The following FBXW7 variants were observed in gnomAD, a reference collection of about 807,000 sequenced individuals.
FBXW7 encodes the protein F-box/WD repeat-containing protein 7.
In FBXW7, 11 loss-of-function variants were observed where a neutral mutation model predicts 86.3. The observed-to-expected ratio is 0.13, with a 90% CI of 0.08 to 0.21. The LOEUF (loss-of-function observed/expected upper bound fraction) is 0.21. Ranked by LOEUF, FBXW7 falls within the 10% of genes least tolerant of loss-of-function variation. The pLI, the probability that FBXW7 is intolerant of heterozygous loss-of-function variation, is 1.00. For missense variants in FBXW7, 488 were observed against 847.4 expected, an observed-to-expected ratio of 0.58 and a Z score of 5.27; for synonymous variants, 313 against 297.9, an observed-to-expected ratio of 1.05 and a Z score of -0.52.
In FBXW7 at chr4:152,337,785, T is replaced by C. The variant is rs1272415371; in HGVS notation, c.861+17A>G. ...TTCAAATAACACCCAATGAAGAATG[T>C]AATTGATAATCTTTACCTCTTTAGG... On this transcript the variant is annotated intron_variant, in intron 7 of 13. Coordinates refer to ENST00000281708, the MANE Select transcript of FBXW7 (RefSeq NM_001349798.2). The C allele has an allele frequency of 6.3e-7, 1 of 1,597,962 alleles. No homozygotes were observed. Among genetic ancestry groups the C allele is most frequent in the South Asian group, 1.1e-5 (1 of 87,736 alleles).
At chr4:152,522,275 T>C (rs1749096292) in intron 2 of FBXW7, among the ~76,000 whole-genome samples, 1 of 152,202 alleles carries the variant, frequency 6.6e-6, no homozygotes, top group Non-Finnish European at 1.5e-5. Context: ...ATTAAATTAG[T>C]AAAATTCATC....
intron 6 of FBXW7, among the ~76,000 whole-genome samples, chr4:152,340,865 C>T (rs1560778502): frequency 6.6e-6 from 1 of 152,106 alleles, no homozygotes; most frequent in Non-Finnish European, 1.5e-5. Context: ...ATCTGTATTT[C>T]CACAGTCTTC....
At chr4:152,483,689 C>A (rs1745093368) in intron 2 of FBXW7, among the ~76,000 whole-genome samples, 1 of 151,998 alleles carries the variant, frequency 6.6e-6, no homozygotes, top group Admixed American at 6.6e-5. Flanking sequence ...CAAAGTGAGA[C>A]CCTGTCTCCA....
chr4:152,400,517 ATT>A (rs529689544), intron 4 of FBXW7, among the ~76,000 whole-genome samples: 2 of 142,216 alleles, frequency 1.4e-5, no homozygotes, highest in Non-Finnish European at 3.1e-5. Context: ...AATTTTGTGC[ATT>A]TTTTTTTTTT....
At chr4:152,340,430 T>C (rs947469693) in intron 6 of FBXW7, among the ~76,000 whole-genome samples, 7 of 151,636 alleles carry the variant, frequency 4.6e-5, no homozygotes, top group African/African-American at 1.5e-4. Flanking sequence ...ATAAAAACAA[T>C]TAGCTGGGCA....
At chr4:152,427,612 A>G (rs889304322) in intron 2 of FBXW7, among the ~76,000 whole-genome samples, 5 of 152,168 alleles carry the variant, frequency 3.3e-5, no homozygotes, top group Non-Finnish European at 7.3e-5. Flanking sequence ...CCAGATGAAG[A>G]GTCTTTGTAT....
intron 4 of FBXW7, among the ~76,000 whole-genome samples, chr4:152,357,206 G>A (rs1732467946): frequency 6.6e-6 from 1 of 152,060 alleles, no homozygotes; most frequent in Non-Finnish European, 1.5e-5. Context: ...TTTTTGGGGG[G>A]AAGGGGATGT....
rs1735841984 is a variant in FBXW7 at position 152,389,740 on chromosome 4, T to G, written c.501+21563A>C. Reference sequence around the variant, plus strand: ...TATATCCATGTAAAAAAAACTAGAGTACCCCTTAAATTTATACCAAAAAAA... The same window carrying G: ...TATATCCATGTAAAAAAAACTAGAGGACCCCTTAAATTTATACCAAAAAAA... On this transcript the variant is annotated intron_variant, in intron 4 of 13. Coordinates refer to ENST00000281708, the MANE Select transcript of FBXW7 (RefSeq NM_001349798.2). 2.0e-5 allele frequency among the ~76,000 whole-genome samples: 3 copies of G among 151,834 alleles called. No individual in the cohort carries two copies. In the South Asian group the frequency reaches 6.2e-4, roughly 31 times the overall value.
intron 4 of FBXW7, among the ~76,000 whole-genome samples, chr4:152,371,334 A>G (rs1219144330): frequency 6.6e-6 from 1 of 152,010 alleles, no homozygotes; most frequent in Non-Finnish European, 1.5e-5. Flanking sequence ...TCAGAAAGAA[A>G]TCACTAAGCT....
rs1004614383 is a variant in FBXW7 at position 152,321,060 on chromosome 4, T to C, written c.*1821A>G. On this transcript the variant is annotated 3_prime_UTR_variant, in exon 14 of 14. Coordinates refer to ENST00000281708, the MANE Select transcript of FBXW7 (RefSeq NM_001349798.2). ...GAGCACAGTGGAGTGTCCTCCTTCA[T>C]AGTCTAGGAGAGAAATAAAATTTGC... 5.6e-6 allele frequency: 1 copy of C among 177,558 alleles called. No homozygotes were observed. Among genetic ancestry groups the C allele is most frequent in the Non-Finnish European group, 1.2e-5 (1 of 82,716 alleles). The allele number at this position is 177,558 out of a possible 1,614,324, so 11.0% of individuals were successfully genotyped here.
intron 2 of FBXW7, among the ~76,000 whole-genome samples, chr4:152,460,246 C>T (rs994022411): frequency 2.0e-5 from 3 of 152,204 alleles, no homozygotes; most frequent in Admixed American, 6.5e-5. Context: ...ACTATTAACA[C>T]GTTAATTTGT....
intron 2 of FBXW7, among the ~76,000 whole-genome samples, chr4:152,477,027 A>AT: frequency 6.6e-6 from 1 of 151,910 alleles, no homozygotes; most frequent in Admixed American, 6.6e-5. Flanking sequence ...TCACACTACT[A>AT]TATGGGAACC....
chr4:152,342,173 C>T (rs557579722), intron 6 of FBXW7, among the ~76,000 whole-genome samples: 1 of 152,208 alleles, frequency 6.6e-6, no homozygotes, highest in Non-Finnish European at 1.5e-5. Flanking sequence ...ATTGCAAATG[C>T]AAATTTGAAA....
At chr4:152,451,173 G>T (rs984262549) in intron 2 of FBXW7, among the ~76,000 whole-genome samples, 1 of 152,148 alleles carries the variant, frequency 6.6e-6, no homozygotes, top group African/African-American at 2.4e-5. Flanking sequence ...GTACAGATAC[G>T]TTTTCAAAGA....
intron 4 of FBXW7, among the ~76,000 whole-genome samples, chr4:152,375,080 C>T (rs1734373196): frequency 6.6e-6 from 1 of 151,818 alleles, no homozygotes; most frequent in South Asian, 2.1e-4. Flanking sequence ...CATAGCTAGA[C>T]TAGAATTTTT....
chr4:152,517,372 C>T (rs1748593504), intron 2 of FBXW7, among the ~76,000 whole-genome samples: 2 of 152,088 alleles, frequency 1.3e-5, no homozygotes, highest in Non-Finnish European at 2.9e-5. Flanking sequence ...TATAAATAAA[C>T]AAATGGAATA....
At chr4:152,505,459 G>A (rs1229383450) in intron 2 of FBXW7, among the ~76,000 whole-genome samples, 8 of 151,968 alleles carry the variant, frequency 5.3e-5, no homozygotes, top group African/African-American at 1.9e-4. Context: ...ACATAGTAAA[G>A]CTATATAAAA....
At chr4:152,349,732 C>A (rs1731621054) in intron 5 of FBXW7, among the ~76,000 whole-genome samples, 1 of 151,806 alleles carries the variant, frequency 6.6e-6, no homozygotes, top group Non-Finnish European at 1.5e-5. Flanking sequence ...AGTAACAAGA[C>A]ACAGGGGCTC....
intron 2 of FBXW7, among the ~76,000 whole-genome samples, chr4:152,419,050 G>T (rs528392596): frequency 1.3e-5 from 2 of 151,996 alleles, no homozygotes; most frequent in Non-Finnish European, 2.9e-5. Flanking sequence ...CCATATCACC[G>T]AGTAAAGTTT....
Sources: allele counts gnomAD v4.1 joint callset (sites outside exome capture counted in the v4.1 genomes callset), GRCh38; gene constraint gnomAD v4.1.1; transcripts MANE v1.5; gene names NCBI Gene and HGNC (gene_info 2026-07-23, HGNC 2026-07-21).